Variants in BNC2 observed in about 807,000 individuals in gnomAD.
BNC2 encodes zinc finger protein basonuclin-2.
In BNC2, 20 loss-of-function variants were observed where a neutral mutation model predicts 76.3. That is an observed-to-expected ratio of 0.26 (90% CI 0.18 to 0.38). The LOEUF (loss-of-function observed/expected upper bound fraction) is 0.38. Ranked by LOEUF, BNC2 falls within the 10% of genes least tolerant of loss-of-function variation. BNC2 has a pLI of 1.00. For missense variants in BNC2, 1,382 were observed against 1,399.8 expected (o/e 0.99, Z 0.20); for synonymous variants, 582 against 514.8 (o/e 1.13, Z -1.77).
At chr9:16,711,988 C>T (rs1032081410) in intron 3 of BNC2, among the ~76,000 whole-genome samples, 1 of 152,142 alleles carries the variant, frequency 6.6e-6, no homozygotes, top group East Asian at 1.9e-4. Context: ...GTAATTAGTA[C>T]AAAATACATG....
At position 16,659,094 on chromosome 9, in the gene BNC2, A is replaced by C. The variant is rs148459334; in HGVS notation, c.330+68703T>G. On this transcript the variant is annotated intron_variant, in intron 3 of 6. Transcript: ENST00000380672. Reference sequence around the variant, plus strand: ...GAGGTACTCAATAAATATTTGCTGAATGGCTGAATGGATGGATAGATGGAC... The same window carrying C: ...GAGGTACTCAATAAATATTTGCTGACTGGCTGAATGGATGGATAGATGGAC... Among the ~76,000 whole-genome samples the C allele has an allele frequency of 3.3e-3, 494 of 151,894 alleles. 2 individuals are homozygous for C. Among genetic ancestry groups the C allele is most frequent in the African/African-American group, 0.011 (462 of 41,538 alleles).
Position 16,412,827 on chromosome 9 carries a change from A to T in BNC2, c.*6162T>A, listed in dbSNP as rs1250846217. On this transcript the variant is annotated 3_prime_UTR_variant, in exon 7 of 7. Coordinates refer to ENST00000380672, the MANE Select transcript of BNC2 (RefSeq NM_017637.6). ...CTCGATGGGAAAGCCTAGCCCTTGT[A>T]GTCAATTTCTCCTTCACAAGGGGAT... is the stretch of plus-strand genomic sequence containing the variant. 1 of 152,012 alleles carries T rather than the reference A, an allele frequency of 6.6e-6. No homozygotes were observed. Among genetic ancestry groups the T allele is most frequent in the Non-Finnish European group, 1.5e-5 (1 of 67,990 alleles). 9.4% of individuals were successfully genotyped at this position (152,012 alleles called of 1,614,324 possible).
chr9:16,670,942 C>T (rs963848008), intron 3 of BNC2, among the ~76,000 whole-genome samples: 6 of 152,148 alleles, frequency 3.9e-5, no homozygotes, highest in Non-Finnish European at 8.8e-5. Flanking sequence ...TAGCACCTTC[C>T]CCTGAGCTTG....
Position 16,485,111 on chromosome 9 carries a change from G to GACACACAC in BNC2, c.670-47595_670-47588dup, listed in dbSNP as rs58432278. Among the ~76,000 whole-genome samples the GACACACAC allele has an allele frequency of 7.6e-3, 1,093 of 143,658 alleles. 8 individuals are homozygous for GACACACAC. Among genetic ancestry groups the GACACACAC allele is most frequent in the Middle Eastern group, 0.035 (10 of 282 alleles). 94.2% of individuals were successfully genotyped at this position (143,658 alleles called of 152,430 possible). A position where few individuals can be genotyped will look rare whatever the true frequency, so the allele number is the denominator to read the frequency against. Reference sequence around the variant, plus strand: ...ACACACACACACAGAGACACACACAGACACACACACACACACACACTATTT... The same window carrying GACACACAC: ...ACACACACACACAGAGACACACACAGACACACACACACACACACACACACACACTATTT... On this transcript the variant is annotated intron_variant, in intron 5 of 6. Coordinates refer to ENST00000380672, the MANE Select transcript of BNC2 (RefSeq NM_017637.6).
chr9:16,668,640 G>C (rs558926658), intron 3 of BNC2, among the ~76,000 whole-genome samples: 1 of 152,260 alleles, frequency 6.6e-6, no homozygotes, highest in Non-Finnish European at 1.5e-5. Flanking sequence ...TTCTGATTTT[G>C]ATATATTGAG....
chr9:16,436,985 A>G lies in BNC2; in HGVS notation c.1209T>C (p.Ser403=), dbSNP rs755446463. The G allele has an allele frequency of 6.2e-7, 1 of 1,614,098 alleles. No individual in the cohort carries two copies. The highest frequency in any genetic ancestry group is 2.2e-5 in the East Asian group (1 of 44,872). ...TGACTGGGGCAGAATTCTGAATGGG[A>G]GAGACACAGGCTGGCTCGGTTTTGG... is the stretch of plus-strand genomic sequence containing the variant. ...VEPKTEPACV[S]PIQNSAPVSD... The change falls in exon 6 of 7, where the codon TCT becomes TCC. Residue 403 remains serine, a synonymous_variant. Transcript: ENST00000380672.
chr9:16,582,939 A>ACACACAC, intron 4 of BNC2, 44 bp downstream of exon 4: 1 of 1,346,342 alleles, frequency 7.4e-7, no homozygotes, highest in Non-Finnish European at 1.1e-6. Flanking sequence ...ACACACGAAC[A>ACACACAC]TGAACATAAT....
At chr9:16,474,405 G>A (rs973368515) in intron 5 of BNC2, among the ~76,000 whole-genome samples, 3 of 152,166 alleles carry the variant, frequency 2.0e-5, no homozygotes, top group Non-Finnish European at 4.4e-5. Context: ...GGGCTATTTA[G>A]AAGGCTGAGG....
chr9:16,557,849 T>G (rs1818884528), intron 4 of BNC2, among the ~76,000 whole-genome samples: 1 of 151,964 alleles, frequency 6.6e-6, no homozygotes, highest in Non-Finnish European at 1.5e-5. Context: ...TTTCTGTTTT[T>G]TTTTTGTTGT....
At chr9:16,635,512 T>C (rs576360442) in intron 3 of BNC2, among the ~76,000 whole-genome samples, 10 of 152,316 alleles carry the variant, frequency 6.6e-5, no homozygotes, top group African/African-American at 2.4e-4. Flanking sequence ...TGTGGTCTGG[T>C]GTTTATGTCA....
intron 3 of BNC2, among the ~76,000 whole-genome samples, chr9:16,698,196 C>T (rs970854725): frequency 6.6e-6 from 1 of 152,102 alleles, no homozygotes; most frequent in Non-Finnish European, 1.5e-5. Flanking sequence ...ACAGATTTGC[C>T]AATCTCTCTC....
chr9:16,701,938 C>CAAAAAA (rs5896700), intron 3 of BNC2, among the ~76,000 whole-genome samples: 3 of 91,538 alleles, frequency 3.3e-5, no homozygotes, highest in Non-Finnish European at 5.7e-5. Flanking sequence ...CGAGACTCTC[C>CAAAAAA]AAAAAAAAAA....
chr9:16,791,989 C>G lies in BNC2; in HGVS notation c.4-53504G>C, dbSNP rs143490048. Among the ~76,000 whole-genome samples the G allele has an allele frequency of 1.5e-3, 228 of 151,664 alleles. 1 individual carries two copies. The highest frequency in any genetic ancestry group is 5.2e-3 in the African/African-American group (216 of 41,328). ...TGGTTGCTCGTGCCTGTGGTCCCAA[C>G]TACTTGGGAGGTGAAGGTGGAGGGA... is the stretch of plus-strand genomic sequence containing the variant. On this transcript the variant is annotated intron_variant, in intron 1 of 6. Coordinates refer to ENST00000380672, the MANE Select transcript of BNC2 (RefSeq NM_017637.6).
intron 5 of BNC2, among the ~76,000 whole-genome samples, chr9:16,549,832 T>A (rs1818604424): frequency 1.3e-5 from 2 of 152,190 alleles, no homozygotes; most frequent in Admixed American, 6.5e-5. Flanking sequence ...AAAACCATCA[T>A]TTAAATAAAA....
At chr9:16,792,654 G>T (rs547530996) in intron 1 of BNC2, among the ~76,000 whole-genome samples, 1 of 152,176 alleles carries the variant, frequency 6.6e-6, no homozygotes, top group African/African-American at 2.4e-5. Flanking sequence ...AATACCAGCG[G>T]GGGGAACCAA....
chr9:16,420,899 A>G (rs1212486678), intron 6 of BNC2, among the ~76,000 whole-genome samples: 3 of 152,160 alleles, frequency 2.0e-5, no homozygotes, highest in Non-Finnish European at 4.4e-5. Context: ...CCTAAATTGA[A>G]GGTTACCCTT....
chr9:16,532,518 T>C (rs1021156351), intron 5 of BNC2, among the ~76,000 whole-genome samples: 4 of 152,152 alleles, frequency 2.6e-5, no homozygotes, highest in Non-Finnish European at 5.9e-5. Flanking sequence ...TTTTGTGCAG[T>C]AGTGTGCTAG....
rs1820692512 is a variant in BNC2, at chr9:16,420,701, T to TA, written c.2640-1053_2640-1052insT. ...TATATACATACACATATACATATTT[T>TA]TTTACATATATATATATAAAGACAG... On this transcript the variant is annotated intron_variant, in intron 6 of 6. Coordinates refer to ENST00000380672, the MANE Select transcript of BNC2 (RefSeq NM_017637.6). Among the ~76,000 whole-genome samples, 5 of 138,124 alleles carry TA rather than the reference T, an allele frequency of 3.6e-5. No homozygotes were observed. The East Asian group carries it at 7.0e-4, about 19-fold the overall frequency. The allele number at this position is 138,124 out of a possible 152,430, so 90.6% of individuals were successfully genotyped here.
At chr9:16,641,655 A>C (rs2133855852) in intron 3 of BNC2, among the ~76,000 whole-genome samples, 1 of 152,324 alleles carries the variant, frequency 6.6e-6, no homozygotes, top group African/African-American at 2.4e-5. Context: ...TAAGTGTCTG[A>C]AATCAGTGGT....
Sources: gnomAD v4.1 joint callset for allele counts (sites outside exome capture counted in the v4.1 genomes callset) on GRCh38, gnomAD v4.1.1 for gene constraint, MANE v1.5 for transcripts, NCBI Gene and HGNC (gene_info 2026-07-23, HGNC 2026-07-21) for gene names.